GNG12: variants seen among roughly 807,000 people sequenced by gnomAD.
The protein encoded by GNG12 is G protein subunit gamma 12.
For missense variants in GNG12, 69 were observed against 83.8 expected, an observed-to-expected ratio of 0.82 and a Z score of 0.69; for synonymous variants, 28 against 29.7, an observed-to-expected ratio of 0.94 and a Z score of 0.19.
chr1:67,731,011 G>A (rs897548508), intron 2 of GNG12, among the ~76,000 whole-genome samples: 1 of 152,074 alleles, frequency 6.6e-6, no homozygotes, highest in African/African-American at 2.4e-5. Flanking sequence ...TTTCAAAGGG[G>A]CCCCGCAAAC....
intron 1 of GNG12, among the ~76,000 whole-genome samples, chr1:67,794,858 TATCCAACCAACCAACC>T (rs1181845541): frequency 6.6e-6 from 1 of 152,214 alleles, no homozygotes; most frequent in African/African-American, 2.4e-5. Flanking sequence ...TCCATCCATC[TATCCAACCAACCAACC>T]ATCCAACCAT....
chr1:67,790,641 G>A lies in GNG12; in HGVS notation c.-76-13134C>T, dbSNP rs146283503. 6.8e-4 allele frequency among the ~76,000 whole-genome samples: 97 copies of A among 142,884 alleles called. 4 individuals are homozygous for A. In the East Asian group the frequency reaches 0.015, roughly 22 times the overall value. 93.7% of individuals were successfully genotyped at this position (142,884 alleles called of 152,430 possible). ...TTTTTTTTTTTTGAGATGGAATCTC[G>A]CTCTGTTGCTCAGGCTGGAATGCAG... On this transcript the variant is annotated intron_variant, in intron 1 of 3. Transcript: ENST00000370982.
intron 1 of GNG12, among the ~76,000 whole-genome samples, chr1:67,799,698 CTG>C (rs879627431): frequency 3.9e-5 from 6 of 152,038 alleles, no homozygotes; most frequent in Admixed American, 1.3e-4. Flanking sequence ...GAAATTGAAA[CTG>C]AGAAATTAAA....
chr1:67,738,638 T>C (rs1026091468), intron 2 of GNG12, among the ~76,000 whole-genome samples: 4 of 152,172 alleles, frequency 2.6e-5, no homozygotes, highest in Non-Finnish European at 5.9e-5. Context: ...ATCCCGGCAC[T>C]CTGGGAGGCG....
At chr1:67,769,040 G>A (rs1029597761) in intron 2 of GNG12, among the ~76,000 whole-genome samples, 3 of 152,158 alleles carry the variant, frequency 2.0e-5, no homozygotes, top group Non-Finnish European at 4.4e-5. Flanking sequence ...CAGTAAAAAT[G>A]AGGACATAAA....
chr1:67,715,623 C>G (rs539919432), intron 2 of GNG12, among the ~76,000 whole-genome samples: 3 of 152,296 alleles, frequency 2.0e-5, no homozygotes, highest in Non-Finnish European at 4.4e-5. Context: ...TGAGTCTCTA[C>G]TCCCCACTGG....
At chr1:67,763,532 C>CT (rs113420131) in intron 2 of GNG12, among the ~76,000 whole-genome samples, 281 of 143,660 alleles carry the variant, frequency 2.0e-3, no homozygotes, top group East Asian at 8.4e-3. Context: ...ATATCCATCA[C>CT]TTTTTTTTTT....
At chr1:67,705,963 C>CT (rs1646245018) in intron 3 of GNG12, among the ~76,000 whole-genome samples, 1 of 152,082 alleles carries the variant, frequency 6.6e-6, no homozygotes, top group Non-Finnish European at 1.5e-5. Context: ...CTGGATTCTT[C>CT]AAAAATGGAC....
chr1:67,822,357 A>G (rs1646989165), intron 1 of GNG12, among the ~76,000 whole-genome samples: 1 of 151,918 alleles, frequency 6.6e-6, no homozygotes, highest in African/African-American at 2.4e-5. Context: ...CCCATGTCTG[A>G]TACAGGACCA....
rs532215946 is a variant in GNG12, at chr1:67,773,020, T to C, written c.-27+4438A>G. Among the ~76,000 whole-genome samples, 90 of 152,320 alleles carry C rather than the reference T, an allele frequency of 5.9e-4. 1 individual carries two copies. Among genetic ancestry groups the C allele is most frequent in the South Asian group, 3.7e-3 (18 of 4,824 alleles). ...TGATGATATCTTTGGAACTCCTGAA[T>C]ACAGCTGTGCCTGAAGCCCTTACTA... On this transcript the variant is annotated intron_variant, in intron 2 of 3. Transcript: ENST00000370982.
intron 2 of GNG12, among the ~76,000 whole-genome samples, chr1:67,752,854 T>C (rs1646546610): frequency 6.6e-6 from 1 of 152,218 alleles, no homozygotes; most frequent in Non-Finnish European, 1.5e-5. Context: ...TGCCAGACAC[T>C]GTTAGACACT....
chr1:67,773,255 CAA>C (rs1307778802), intron 2 of GNG12, among the ~76,000 whole-genome samples: 12 of 152,022 alleles, frequency 7.9e-5, no homozygotes, highest in Non-Finnish European at 1.5e-4. Flanking sequence ...GACATTGTTG[CAA>C]AAAAGTCTAG....
intron 2 of GNG12, among the ~76,000 whole-genome samples, chr1:67,732,990 T>C (rs554428973): frequency 1.3e-5 from 2 of 152,326 alleles, no homozygotes; most frequent in African/African-American, 2.4e-5. Context: ...TGGTGTGGCT[T>C]ACCCGAGGGA....
At position 67,707,674 on chromosome 1, in the gene GNG12, T is replaced by C. The variant is rs578162334; in HGVS notation, c.13A>G (p.Thr5Ala). The change falls in exon 3 of 4, where the codon ACA (threonine) becomes GCA (alanine). Residue 5 changes from threonine (T) to alanine (A), a missense_variant. Transcript: ENST00000370982. ...TGGGCTATATTGTTGGTGCTTGCTGTTTTGCTGGACATCTTCAATTATTGT... is the reference window on the plus strand; with the variant it reads ...TGGGCTATATTGTTGGTGCTTGCTGCTTTGCTGGACATCTTCAATTATTGT... MSSK[T>A]ASTNNIAQAR... 6 of 1,603,042 alleles carry C rather than the reference T, an allele frequency of 3.7e-6. No individual in the cohort carries two copies. The South Asian group carries it at 6.8e-5, about 18-fold the overall frequency.
intron 2 of GNG12, among the ~76,000 whole-genome samples, chr1:67,710,578 A>G (rs1435947496): frequency 1.3e-5 from 2 of 152,114 alleles, no homozygotes; most frequent in Non-Finnish European, 2.9e-5. Context: ...ATTAATATTT[A>G]TAAAATGCTC....
At chr1:67,743,047 C>T (rs535450181) in intron 2 of GNG12, among the ~76,000 whole-genome samples, 1 of 152,090 alleles carries the variant, frequency 6.6e-6, no homozygotes, top group African/African-American at 2.4e-5. Flanking sequence ...AGTAAAGATA[C>T]AAGCTATCTA....
chr1:67,729,265 T>C (rs1404021284), intron 2 of GNG12, among the ~76,000 whole-genome samples: 1 of 152,212 alleles, frequency 6.6e-6, no homozygotes, highest in Non-Finnish European at 1.5e-5. Flanking sequence ...TAGATCTATC[T>C]ATGGTCCTGG....
At chr1:67,792,211 C>A (rs1276297) in intron 1 of GNG12, among the ~76,000 whole-genome samples, 8 of 145,104 alleles carry the variant, frequency 5.5e-5, no homozygotes, top group Non-Finnish European at 1.5e-5. Context: ...AATGTCAATG[C>A]CGTAAGAAAA....
chr1:67,723,374 A>C (rs529225136), intron 2 of GNG12, among the ~76,000 whole-genome samples: 3 of 152,280 alleles, frequency 2.0e-5, no homozygotes, highest in Admixed American at 6.5e-5. Flanking sequence ...AAACAGAGGG[A>C]GTGTTAGGGA....
Sources: gnomAD v4.1 joint callset for allele counts (sites outside exome capture counted in the v4.1 genomes callset) on GRCh38, gnomAD v4.1.1 for gene constraint, MANE v1.5 for transcripts, NCBI Gene and HGNC (gene_info 2026-07-23, HGNC 2026-07-21) for gene names.